CLASP2: variants seen among roughly 807,000 people sequenced by gnomAD.
The protein encoded by CLASP2 is CLIP-associating protein 2.
In CLASP2, 47 loss-of-function variants were observed where a neutral mutation model predicts 194.4. The ratio of observed to expected loss-of-function variants is 0.24; its 90% confidence interval spans 0.19 to 0.31. CLASP2 has a LOEUF of 0.31. CLASP2 is among the 10% of genes least tolerant of loss of function. CLASP2 has a pLI of 1.00. For missense variants in CLASP2, 1,445 were observed against 1,823.6 expected (o/e 0.79, Z 3.78); for synonymous variants, 619 against 633.5 (o/e 0.98, Z 0.34).
At chr3:33,596,848 G>GTAT in intron 18 of CLASP2, 114 bp from the exon 19 acceptor site, 1 of 774,696 alleles carries the variant, frequency 1.3e-6, no homozygotes, top group Non-Finnish European at 2.1e-6. Context: ...TAGTACAGAC[G>GTAT]TATATATCAA....
At chr3:33,611,148 C>T (rs2075101483) in intron 13 of CLASP2, among the ~76,000 whole-genome samples, 1 of 151,992 alleles carries the variant, frequency 6.6e-6, no homozygotes, top group African/African-American at 2.4e-5. Context: ...ACAAAAGACT[C>T]CAAAAAAACA....
intron 5 of CLASP2, 89 bp from the exon 6 acceptor site, chr3:33,684,545 C>A: frequency 2.6e-6 from 2 of 777,066 alleles, no homozygotes; most frequent in South Asian, 2.7e-5. Context: ...AACAGACCAA[C>A]TTGAAGCTCT....
At chr3:33,688,977 CA>C (rs1168365932) in intron 3 of CLASP2, among the ~76,000 whole-genome samples, 2 of 152,088 alleles carry the variant, frequency 1.3e-5, no homozygotes, top group Non-Finnish European at 2.9e-5. Context: ...TTTATTTTTA[CA>C]AACGTAAAGC....
At chr3:33,678,957 G>A (rs563437886) in intron 6 of CLASP2, among the ~76,000 whole-genome samples, 27 of 152,086 alleles carry the variant, frequency 1.8e-4, no homozygotes, top group Non-Finnish European at 2.9e-4. Context: ...ATCTAGAATA[G>A]CTAACACATT....
intron 36 of CLASP2, among the ~76,000 whole-genome samples, chr3:33,512,547 T>TA (rs1017644415): frequency 3.2e-5 from 1 of 30,798 alleles, no homozygotes; most frequent in Admixed American, 5.9e-4. Flanking sequence ...CCCTAAAACT[T>TA]AGAGTATAAT....
intron 1 of CLASP2, among the ~76,000 whole-genome samples, chr3:33,708,379 G>A (rs1401904844): frequency 1.3e-5 from 2 of 149,650 alleles, no homozygotes; most frequent in African/African-American, 2.5e-5. Flanking sequence ...ATGTCTTCCA[G>A]GTTCATCCAT....
chr3:33,621,923 A>G lies in CLASP2; in HGVS notation c.1181+212T>C, dbSNP rs539168491. Among the ~76,000 whole-genome samples the G allele has an allele frequency of 5.9e-5, 9 of 152,310 alleles. No individual in the cohort carries two copies. In the South Asian group the frequency reaches 1.4e-3, roughly 25 times the overall value. ...CACCAGTAGGCTTTAGATATTTTAA[A>G]TATCTGTATACCAACCTTAAAATGT... On this transcript the variant is annotated intron_variant, in intron 11 of 38. Transcript: ENST00000682230.
At chr3:33,660,939 A>T (rs969351287) in intron 7 of CLASP2, among the ~76,000 whole-genome samples, 7 of 152,222 alleles carry the variant, frequency 4.6e-5, no homozygotes, top group Non-Finnish European at 2.9e-5. Context: ...AATAAAGAAG[A>T]AGTTGAATTA....
At chr3:33,620,200 T>C (rs776858085) in intron 11 of CLASP2, among the ~76,000 whole-genome samples, 24 of 152,210 alleles carry the variant, frequency 1.6e-4, no homozygotes, top group Non-Finnish European at 2.2e-4. Flanking sequence ...CTATTAATAG[T>C]ATCACGCCTT....
rs1311604768 is a variant in CLASP2 at position 33,510,711 on chromosome 3, T to C, written c.4164A>G (p.Pro1388=). 1.2e-6 allele frequency: 2 copies of C among 1,613,398 alleles called. No individual in the cohort carries two copies. The highest frequency in any genetic ancestry group is 1.7e-5 in the Admixed American group (1 of 59,884). Residue 1388 remains proline (P), a synonymous_variant, in exon 37 of 39, where the codon CCA becomes CCG. Transcript: ENST00000682230. ...AASVLATSIS[P]EQCIKVLCPI... is the part of the protein sequence containing the mutation. ...GACAAAGCACTTTGATGCACTGCTC[T>C]GGACTAATTGAAGTGGCCAACACTG...
At chr3:33,694,294 T>A (rs561791971) in intron 2 of CLASP2, among the ~76,000 whole-genome samples, 1 of 152,338 alleles carries the variant, frequency 6.6e-6, no homozygotes, top group African/African-American at 2.4e-5. Flanking sequence ...GAGGGCAGTG[T>A]TGGGAGTCAA....
At position 33,668,617 on chromosome 3, in the gene CLASP2, T is replaced by C. The variant is rs2086610566; in HGVS notation, c.645-5102A>G. Among the ~76,000 whole-genome samples the C allele has an allele frequency of 2.6e-5, 4 of 152,228 alleles. No individual in the cohort carries two copies. The South Asian group carries it at 8.3e-4, about 32-fold the overall frequency. The stretch of plus-strand genomic sequence containing the variant: ...AAGTTTAAGATCTGTTTAATATGTG[T>C]TGTTATTTTGAGGATTCGAAATACT... On this transcript the variant is annotated intron_variant, in intron 6 of 38. Transcript: ENST00000682230.
At chr3:33,671,325 A>G (rs1424499369) in intron 6 of CLASP2, among the ~76,000 whole-genome samples, 1 of 152,218 alleles carries the variant, frequency 6.6e-6, no homozygotes, top group Non-Finnish European at 1.5e-5. Context: ...CATCATGTCC[A>G]ACTATTAAAA....
chr3:33,586,940 A>G (rs1266854215), intron 21 of CLASP2, among the ~76,000 whole-genome samples: 2 of 152,114 alleles, frequency 1.3e-5, no homozygotes, highest in African/African-American at 4.8e-5. Flanking sequence ...GCCCTTTCCT[A>G]AAGTGAGAGG....
intron 6 of CLASP2, among the ~76,000 whole-genome samples, chr3:33,674,726 T>C (rs537603837): frequency 1.1e-4 from 16 of 151,774 alleles, no homozygotes; most frequent in Admixed American, 9.2e-4. Flanking sequence ...AAGAATCAAA[T>C]AGACCCAATA....
At chr3:33,684,483 TA>T in intron 5 of CLASP2, 27 bp from the exon 6 acceptor site, 1 of 1,404,458 alleles carries the variant, frequency 7.1e-7, no homozygotes, top group South Asian at 1.3e-5. Flanking sequence ...AACTTTTTAA[TA>T]AACTTATATA....
intron 34 of CLASP2, among the ~76,000 whole-genome samples, chr3:33,520,635 C>G (rs2052749018): frequency 6.6e-6 from 1 of 152,002 alleles, no homozygotes; most frequent in African/African-American, 2.4e-5. Flanking sequence ...GCAGAGATAG[C>G]AGAAAAACTG....
At chr3:33,714,479 A>G (rs1426199809) in intron 1 of CLASP2, among the ~76,000 whole-genome samples, 2 of 152,086 alleles carry the variant, frequency 1.3e-5, no homozygotes, top group African/African-American at 2.4e-5. Flanking sequence ...AGTCTTCCCT[A>G]TTTCAATAAA....
At chr3:33,530,131 A>G (rs1367292283) in intron 34 of CLASP2, among the ~76,000 whole-genome samples, 1 of 151,988 alleles carries the variant, frequency 6.6e-6, no homozygotes, top group Non-Finnish European at 1.5e-5. Flanking sequence ...AAAAAAAAAA[A>G]TAAGTATGAG....
Sources: gnomAD v4.1 joint callset for allele counts (sites outside exome capture counted in the v4.1 genomes callset) on GRCh38, gnomAD v4.1.1 for gene constraint, MANE v1.5 for transcripts, NCBI Gene and HGNC (gene_info 2026-07-23, HGNC 2026-07-21) for gene names.